The following CHTOP variants were observed in gnomAD, a reference collection of about 807,000 sequenced individuals.
The protein encoded by CHTOP is chromatin target of PRMT1, also known as chromatin target of PRMT1 protein.
In CHTOP, 18 loss-of-function variants were observed where a neutral mutation model predicts 33.6. That is an observed-to-expected ratio of 0.54 (90% CI 0.37 to 0.80). CHTOP has a LOEUF of 0.80. Among genes scored for constraint, CHTOP ranks in the 30% least tolerant of loss-of-function variants. The pLI is 0.00. For synonymous variants in CHTOP, 117 were observed against 127.7 expected (o/e 0.92, Z 0.56); for missense variants, 263 against 336.8 (o/e 0.78, Z 1.71).
Position 153,634,075 on chromosome 1 carries a change from AT to A in CHTOP, c.-282del. 1 of 152,882 alleles carries A rather than the reference AT, an allele frequency of 6.5e-6. No homozygotes were observed. The highest frequency in any genetic ancestry group is 1.5e-5 in the Non-Finnish European group (1 of 68,104). The allele number at this position is 152,882 out of a possible 1,614,324, so 9.5% of individuals were successfully genotyped here. The stretch of plus-strand genomic sequence containing the variant: ...CAGACAAGCACTGGACGTGGCGGCC[AT>A]TTTGTTTTGGACACCGAGCAGGAGC... On this transcript the variant is annotated 5_prime_UTR_variant, in exon 1 of 6. Coordinates refer to ENST00000368694, the MANE Select transcript of CHTOP (RefSeq NM_015607.4).
intron 3 of CHTOP, among the ~76,000 whole-genome samples, chr1:153,639,057 A>G (rs1258025374): frequency 6.6e-6 from 1 of 151,950 alleles, no homozygotes; most frequent in African/African-American, 2.4e-5. Context: ...ATTTTTTTGT[A>G]TATTTAATAG....
Position 153,634,172 on chromosome 1 carries a change from C to G in CHTOP, c.-189C>G, listed in dbSNP as rs768018088. On this transcript the variant is annotated 5_prime_UTR_variant, in exon 1 of 6. Coordinates refer to ENST00000368694, the MANE Select transcript of CHTOP (RefSeq NM_015607.4). Reference sequence around the variant, plus strand: ...GCAGACGGATCGGCCGACTAGACAGCCAACCAGCAACAACGAACTGAGCTC... The same window carrying G: ...GCAGACGGATCGGCCGACTAGACAGGCAACCAGCAACAACGAACTGAGCTC... The G allele has an allele frequency of 1.3e-5, 2 of 152,832 alleles. No individual in the cohort carries two copies. The highest frequency in any genetic ancestry group is 2.4e-5 in the African/African-American group (1 of 41,482). The allele number at this position is 152,832 out of a possible 1,614,324, so 9.5% of individuals were successfully genotyped here. A position where few individuals can be genotyped will look rare whatever the true frequency, so the allele number is the denominator to read the frequency against.
chr1:153,638,068 T>C (rs565447158), intron 2 of CHTOP: 19 of 536,172 alleles, frequency 3.5e-5, no homozygotes, highest in East Asian at 3.0e-4. Context: ...GCCCTCGTTA[T>C]CACTTTTGGT....
intron 2 of CHTOP, 99 bp from the exon 3 acceptor site, chr1:153,638,196 C>T (rs976027131): frequency 1.4e-5 from 18 of 1,272,230 alleles, no homozygotes; most frequent in African/African-American, 4.5e-5. Context: ...CTTAAAAGTT[C>T]GTGGGATCTG....
At position 153,645,489 on chromosome 1, in the gene CHTOP, G is replaced by GTT. The variant is rs1274863666; in HGVS notation, c.*226_*227dup. Reference sequence around the variant, plus strand: ...TCCTTTGATTTGGTTTTTTGTTTTTGTTTTTTTAGGGGGGAGGGGGGGTTT... The same window carrying GTT: ...TCCTTTGATTTGGTTTTTTGTTTTTGTTTTTTTTTAGGGGGGAGGGGGGGTTT... On this transcript the variant is annotated 3_prime_UTR_variant, in exon 6 of 6. Coordinates refer to ENST00000368694, the MANE Select transcript of CHTOP (RefSeq NM_015607.4). 1 of 23,302 alleles carries GTT rather than the reference G, an allele frequency of 4.3e-5. No individual in the cohort carries two copies. Among genetic ancestry groups the GTT allele is most frequent in the Admixed American group, 5.9e-4 (1 of 1,684 alleles). The allele number at this position is 23,302 out of a possible 1,614,324, so 1.4% of individuals were successfully genotyped here.
chr1:153,636,778 T>G, intron 2 of CHTOP, 125 bp downstream of exon 2: 2 of 750,922 alleles, frequency 2.7e-6, no homozygotes, highest in Non-Finnish European at 4.5e-6. Flanking sequence ...CCTCTGTTCT[T>G]AGTTGCATCT....
intron 1 of CHTOP, among the ~76,000 whole-genome samples, chr1:153,635,853 G>A (rs1166676225): frequency 1.3e-5 from 2 of 151,656 alleles, no homozygotes; most frequent in Non-Finnish European, 2.9e-5. Flanking sequence ...TCCATACTTT[G>A]ATTGCTAGAT....
chr1:153,638,674 T>G, intron 3 of CHTOP: 2 of 584,168 alleles, frequency 3.4e-6, no homozygotes, highest in Non-Finnish European at 6.2e-6. Context: ...GTGGCCTGTT[T>G]CTGTTACCAA....
At chr1:153,643,006 A>G (rs1668683255) in intron 4 of CHTOP, 1 of 572,088 alleles carries the variant, frequency 1.7e-6, no homozygotes, top group South Asian at 1.9e-5. Flanking sequence ...GTACTTACTA[A>G]TTGAATTAAC....
At chr1:153,642,046 G>A (rs548187661) in intron 3 of CHTOP, among the ~76,000 whole-genome samples, 200 bp from the exon 4 acceptor site, 15 of 152,312 alleles carry the variant, frequency 9.8e-5, no homozygotes, top group African/African-American at 2.2e-4. Context: ...TTTCTGCTCT[G>A]GATCAAAATT....
chr1:153,642,120 C>T (rs1361691724), intron 3 of CHTOP, 126 bp from the exon 4 acceptor site: 30 of 691,494 alleles, frequency 4.3e-5, no homozygotes, highest in Non-Finnish European at 6.8e-5. Context: ...CTTTTGACAC[C>T]CACAACAGGT....
At chr1:153,635,444 G>C (rs1205993438) in intron 1 of CHTOP, among the ~76,000 whole-genome samples, 1 of 151,472 alleles carries the variant, frequency 6.6e-6, no homozygotes, top group Admixed American at 6.6e-5. Context: ...GAAGCACCGC[G>C]CCCGCCCTGT....
At chr1:153,644,199 T>A (rs764535577) in intron 5 of CHTOP, 2 of 152,228 alleles carry the variant, frequency 1.3e-5, no homozygotes, top group Non-Finnish European at 2.9e-5. Flanking sequence ...ATAATAACTG[T>A]TAGGAAAGAA....
rs1450394188 is a variant in CHTOP at position 153,636,558 on chromosome 1, A to G, written c.-17-14A>G. The G allele has an allele frequency of 1.9e-6, 3 of 1,604,038 alleles. No individual in the cohort carries two copies. Among genetic ancestry groups the G allele is most frequent in the African/African-American group, 1.3e-5 (1 of 74,592 alleles). Reference sequence around the variant, plus strand: ...CTATTGTGATTTGCTCATTTTACGTATTGTTCTTTGTAGATTCTCGGGATT... The same window carrying G: ...CTATTGTGATTTGCTCATTTTACGTGTTGTTCTTTGTAGATTCTCGGGATT... On this transcript the variant is annotated splice_polypyrimidine_tract_variant and intron_variant, in intron 1 of 5. Transcript: ENST00000368694.
intron 5 of CHTOP, chr1:153,644,381 T>G (rs3790412): frequency 6.6e-6 from 1 of 152,042 alleles, no homozygotes; most frequent in African/African-American, 2.4e-5. Flanking sequence ...TTCAAAAAGC[T>G]GAGTTTGTTT....
chr1:153,643,386 G>A (rs768813971), intron 5 of CHTOP, 22 bp downstream of exon 5: 1 of 1,511,992 alleles, frequency 6.6e-7, no homozygotes, highest in Admixed American at 2.3e-5. Flanking sequence ...ACCAACTTCA[G>A]AGAGTAGCTC....
At chr1:153,642,217 C>CA in intron 3 of CHTOP, 29 bp from the exon 4 acceptor site, 1 of 1,563,964 alleles carries the variant, frequency 6.4e-7, no homozygotes. Flanking sequence ...TTTTTGATCT[C>CA]AATCCCCTAA....
Position 153,634,736 on chromosome 1 carries a change from C to T in CHTOP, c.-18+393C>T, listed in dbSNP as rs1668268106. ...TCCCAGGTGAATTTAGAAAACCTTT[C>T]CTACTCCCCCAGATCGTCAGTTTCT... On this transcript the variant is annotated intron_variant, in intron 1 of 5. Transcript: ENST00000368694. Among the ~76,000 whole-genome samples the T allele has an allele frequency of 2.6e-5, 3 of 116,082 alleles. No homozygotes were observed. In the Admixed American group the frequency reaches 2.9e-4, roughly 11 times the overall value. 76.2% of individuals were successfully genotyped at this position (116,082 alleles called of 152,430 possible).
At chr1:153,638,899 T>C (rs1307861854) in intron 3 of CHTOP, among the ~76,000 whole-genome samples, 3 of 119,264 alleles carry the variant, frequency 2.5e-5, no homozygotes, top group Middle Eastern at 4.9e-3. Flanking sequence ...TTTTTTTTTT[T>C]AGACGGAGTC....
Sources: allele counts gnomAD v4.1 joint callset (sites outside exome capture counted in the v4.1 genomes callset), GRCh38; gene constraint gnomAD v4.1.1; transcripts MANE v1.5; gene names NCBI Gene and HGNC (gene_info 2026-07-23, HGNC 2026-07-21).